The following ATP2C1 variants were observed in gnomAD, a reference collection of about 807,000 sequenced individuals.
ATP2C1 encodes ATPase secretory pathway Ca2+ transporting 1.
A neutral mutation model predicts 120.5 loss-of-function variants in ATP2C1; 31 were observed. The observed-to-expected ratio is 0.26, with a 90% CI of 0.19 to 0.35. The LOEUF is 0.35. Among genes scored for constraint, ATP2C1 ranks in the 10% least tolerant of loss-of-function variants. The pLI is 1.00. For missense variants in ATP2C1, 731 were observed against 1,107.5 expected (o/e 0.66, Z 4.83); for synonymous variants, 351 against 358.7 (o/e 0.98, Z 0.24).
At chr3:130,996,350 A>C in intron 23 of ATP2C1, 1 of 582,536 alleles carries the variant, frequency 1.7e-6, no homozygotes, top group Non-Finnish European at 3.0e-6. Flanking sequence ...TGATTTATTT[A>C]ATAGCTCACA....
At chr3:130,985,746 A>G (rs2061979094) in intron 20 of ATP2C1, among the ~76,000 whole-genome samples, 1 of 152,062 alleles carries the variant, frequency 6.6e-6, no homozygotes, top group Admixed American at 6.6e-5. Flanking sequence ...TAAATGATGG[A>G]CAGTTGCATG....
chr3:130,944,948 T>C (rs958229964), intron 8 of ATP2C1, among the ~76,000 whole-genome samples: 10 of 152,358 alleles, frequency 6.6e-5, no homozygotes, highest in African/African-American at 2.4e-4. Context: ...TAACTCCTAA[T>C]AAAATATAAA....
At chr3:130,984,887 C>T (rs2061926969) in intron 20 of ATP2C1, among the ~76,000 whole-genome samples, 1 of 151,712 alleles carries the variant, frequency 6.6e-6, no homozygotes, top group Admixed American at 6.6e-5. Flanking sequence ...CAAGCATTTG[C>T]AAGCATAAAC....
At chr3:130,975,108 T>C (rs149114044) in intron 17 of ATP2C1, among the ~76,000 whole-genome samples, 8 of 152,288 alleles carry the variant, frequency 5.3e-5, no homozygotes, top group African/African-American at 1.7e-4. Context: ...TAGTATAGCA[T>C]TGCCTTTTAT....
intron 1 of ATP2C1, among the ~76,000 whole-genome samples, chr3:130,873,204 G>A (rs1187255671): frequency 6.6e-6 from 1 of 152,144 alleles, no homozygotes; most frequent in East Asian, 1.9e-4. Flanking sequence ...TAAATAAACA[G>A]AGCAGCTTCT....
rs760499653 is a variant in ATP2C1, at chr3:130,953,883, G to A, written c.594G>A (p.Val198=). The change falls in exon 9 of 28, where the codon GTG becomes GTA. Residue 198 remains valine, a synonymous_variant. Coordinates refer to ENST00000510168, the MANE Select transcript of ATP2C1 (RefSeq NM_001378687.1). ...GTGAGACAACGCCTTGTTCTAAGGT[G>A]ACAGCTCCTCAGCCAGCTGCAACTA... is the stretch of plus-strand genomic sequence containing the variant. ...LTGETTPCSK[V]TAPQPAATNG... is the part of the protein sequence containing the mutation. The A allele has an allele frequency of 1.2e-6, 2 of 1,613,934 alleles. No individual in the cohort carries two copies. The highest frequency in any genetic ancestry group is 1.7e-5 in the Admixed American group (1 of 59,974).
chr3:130,914,637 C>G (rs955540671), intron 2 of ATP2C1, among the ~76,000 whole-genome samples: 2 of 152,106 alleles, frequency 1.3e-5, no homozygotes, highest in Non-Finnish European at 2.9e-5. Flanking sequence ...CTTTAGCCTC[C>G]TAAGTAGAGG....
rs1402283792 is a variant in ATP2C1 at position 130,931,999 on chromosome 3, C to T, written c.118-23C>T. ...TTTTCTGTGCTAACATTTTCAATAA[C>T]TTTCATGTATAAACTCTAATAGGCT... On this transcript the variant is annotated intron_variant, in intron 3 of 27. Coordinates refer to ENST00000510168, the MANE Select transcript of ATP2C1 (RefSeq NM_001378687.1). 5.6e-6 allele frequency: 8 copies of T among 1,431,586 alleles called. No homozygotes were observed. The South Asian group carries it at 9.2e-5, about 16-fold the overall frequency. The allele number at this position is 1,431,586 out of a possible 1,614,324, so 88.7% of individuals were successfully genotyped here. A position where few individuals can be genotyped will look rare whatever the true frequency, so the allele number is the denominator to read the frequency against.
At chr3:130,972,441 A>T (rs946247258) in intron 17 of ATP2C1, among the ~76,000 whole-genome samples, 1 of 150,486 alleles carries the variant, frequency 6.6e-6, no homozygotes, top group Admixed American at 6.6e-5. Flanking sequence ...GCCAGTGCTC[A>T]TGGAGCTTCT....
chr3:130,956,799 C>G (rs2060600121), intron 11 of ATP2C1, among the ~76,000 whole-genome samples: 2 of 152,108 alleles, frequency 1.3e-5, no homozygotes, highest in African/African-American at 4.8e-5. Flanking sequence ...TTTCACAGTT[C>G]ATTATTAGGG....
At chr3:130,889,278 C>T (rs1230090313), upstream of ATP2C1, among the ~76,000 whole-genome samples, 1 of 152,122 alleles carries the variant, frequency 6.6e-6, no homozygotes, top group African/African-American at 2.4e-5. Flanking sequence ...AATACAGTGG[C>T]CCTACCAGTA....
intron 1 of ATP2C1, among the ~76,000 whole-genome samples, chr3:130,877,134 G>C (rs2068629561): frequency 1.3e-5 from 2 of 152,098 alleles, no homozygotes; most frequent in Admixed American, 6.5e-5. Context: ...TCTGATATAA[G>C]TATAGCTACT....
chr3:130,999,679 T>C lies in ATP2C1; in HGVS notation c.2629+20T>C, dbSNP rs1343295386. The C allele has an allele frequency of 6.3e-7, 1 of 1,599,948 alleles. No individual in the cohort carries two copies. Among genetic ancestry groups the C allele is most frequent in the Non-Finnish European group, 8.6e-7 (1 of 1,167,960 alleles). ...TACTGGGTAAAGAAAACGTTATCTT[T>C]ATCATTTATGTATTTTAGATAAATC... On this transcript the variant is annotated intron_variant, in intron 27 of 27. Transcript: ENST00000510168.
Position 130,996,666 on chromosome 3 carries a change from C to G in ATP2C1, c.2127-14C>G, listed in dbSNP as rs1273292878. 2 of 1,501,314 alleles carry G rather than the reference C, an allele frequency of 1.3e-6. No homozygotes were observed. The highest frequency in any genetic ancestry group is 1.1e-5 in the South Asian group (1 of 88,702). 93.0% of individuals were successfully genotyped at this position (1,501,314 alleles called of 1,614,324 possible). ...ACTCTACTGATATTTTTAAATGACT[C>G]TCTTTTTCAACAGGAGTATAGCAGC... On this transcript the variant is annotated splice_polypyrimidine_tract_variant and intron_variant, in intron 23 of 27. Transcript: ENST00000510168.
chr3:130,956,048 G>A, intron 10 of ATP2C1, 56 bp from the exon 11 acceptor site: 1 of 1,241,064 alleles, frequency 8.1e-7, no homozygotes, highest in Non-Finnish European at 1.2e-6. Context: ...CCTGGCACTT[G>A]ATAAAGCTTA....
intron 2 of ATP2C1, chr3:130,918,970 C>T (rs1559921848): frequency 5.2e-6 from 2 of 385,528 alleles, no homozygotes; most frequent in South Asian, 2.0e-5. Flanking sequence ...CCAGCCTGGG[C>T]AACAGAGCAA....
chr3:130,935,031 T>G (rs2059607261), intron 5 of ATP2C1, among the ~76,000 whole-genome samples: 1 of 152,086 alleles, frequency 6.6e-6, no homozygotes, highest in African/African-American at 2.4e-5. Context: ...CAGGGTCTTG[T>G]TATGTTGCCC....
rs79928051 is a variant in ATP2C1 at position 130,998,076 on chromosome 3, A to C, written c.2392-218A>C. 0.027 allele frequency among the ~76,000 whole-genome samples: 4,086 copies of C among 152,180 alleles called. 193 individuals are homozygous for C. The highest frequency in any genetic ancestry group is 0.093 in the African/African-American group (3,862 of 41,522). ...TAATAACAGTATTTTAATATCTAAT[A>C]CATAGTTCATGAGAAGTTTTTTTTT... On this transcript the variant is annotated intron_variant, in intron 25 of 27. Transcript: ENST00000510168.
intron 1 of ATP2C1, among the ~76,000 whole-genome samples, chr3:130,885,912 C>T (rs2068959869): frequency 1.3e-5 from 2 of 152,128 alleles, no homozygotes; most frequent in African/African-American, 2.4e-5. Context: ...CATAGATAAA[C>T]ACGTCATGAG....
Sources: gnomAD v4.1 joint callset for allele counts (sites outside exome capture counted in the v4.1 genomes callset) on GRCh38, gnomAD v4.1.1 for gene constraint, MANE v1.5 for transcripts, NCBI Gene and HGNC (gene_info 2026-07-23, HGNC 2026-07-21) for gene names.